The following RAD54B variants were observed in gnomAD, a reference collection of about 807,000 sequenced individuals.
The protein encoded by RAD54B is DNA repair and recombination protein RAD54B.
Under a neutral mutation model 95.8 loss-of-function variants are expected in RAD54B, and 78 were observed. The ratio of observed to expected loss-of-function variants is 0.81; its 90% confidence interval spans 0.68 to 0.98. RAD54B has a LOEUF of 0.98. Among genes scored for constraint, RAD54B ranks in the 50% least tolerant of loss-of-function variants. The pLI is 0.00. For missense variants in RAD54B, 957 were observed against 1,056.6 expected (o/e 0.91, Z 1.31); for synonymous variants, 328 against 354.9 (o/e 0.92, Z 0.85).
chr8:94,422,609 AAAAAAAAAATATATATATATATATATAT>A (rs1811838318), intron 3 of RAD54B, among the ~76,000 whole-genome samples: 1 of 95,976 alleles, frequency 1.0e-5, no homozygotes, highest in African/African-American at 5.9e-5. Flanking sequence ...AAAAAAAAAA[AAAAAAAAAATATATATATATATATATAT>A]ATATATATAT....
At position 94,407,561 on chromosome 8, in the gene RAD54B, G is replaced by A. The variant is rs747364535; in HGVS notation, c.659C>T (p.Ser220Phe). 1 of 1,613,994 alleles carries A rather than the reference G, an allele frequency of 6.2e-7. No individual in the cohort carries two copies. The highest frequency in any genetic ancestry group is 8.5e-7 in the Non-Finnish European group (1 of 1,179,938). Reference sequence around the variant, plus strand: ...GAAACATTTCCTGGCAACCTGAGAAGAATGCGAGATAGCAGTACTTCCTCC... The same window carrying A: ...GAAACATTTCCTGGCAACCTGAGAAAAATGCGAGATAGCAGTACTTCCTCC... Reference protein sequence around the residue: ...LGGGSTAISHSSQVARKCFSN... With the variant: ...LGGGSTAISHFSQVARKCFSN... The change falls in exon 5 of 15, where the codon TCT (serine) becomes TTT (phenylalanine). Residue 220 changes from serine to phenylalanine, a missense_variant. Ser to Phe is a radical substitution (Grantham distance 155). Coordinates refer to ENST00000336148, the MANE Select transcript of RAD54B (RefSeq NM_012415.3).
intron 2 of RAD54B, among the ~76,000 whole-genome samples, chr8:94,463,392 C>G (rs1258986637): frequency 6.6e-6 from 1 of 151,822 alleles, no homozygotes; most frequent in African/African-American, 2.4e-5. Context: ...TACTACTTTA[C>G]CCACTAGTAT....
intron 7 of RAD54B, 103 bp downstream of exon 7, chr8:94,400,135 T>C (rs548828982): frequency 2.0e-6 from 2 of 1,000,178 alleles, no homozygotes; most frequent in Middle Eastern, 2.5e-4. Flanking sequence ...AAACTCCATT[T>C]TTGTGCAAAA....
Position 94,380,360 on chromosome 8 carries a change from CT to C in RAD54B, c.2031del (p.Glu678LysfsTer41), listed in dbSNP as rs1563634761. 5.6e-6 allele frequency: 9 copies of C among 1,613,742 alleles called. No individual in the cohort carries two copies. Among genetic ancestry groups the C allele is most frequent in the Non-Finnish European group, 7.6e-6 (9 of 1,179,774 alleles). On this transcript the variant is annotated frameshift_variant, in exon 12 of 15. Coordinates refer to ENST00000336148, the MANE Select transcript of RAD54B (RefSeq NM_012415.3). LOFTEE classifies it high-confidence loss of function. ...GCATATCCATGACGCTTACATACTTCTTGTAAAATGTTCAAGGTTTGTGTAT... is the reference window on the plus strand; with the variant it reads ...GCATATCCATGACGCTTACATACTTCTGTAAAATGTTCAAGGTTTGTGTAT... ...SNYTQTLNIL[Q>X]EVCKRHGYAY...
intron 10 of RAD54B, among the ~76,000 whole-genome samples, chr8:94,390,519 CAAAT>C (rs1810992039): frequency 6.7e-6 from 1 of 148,566 alleles, no homozygotes; most frequent in African/African-American, 2.4e-5. Context: ...AATAAATAAA[CAAAT>C]AAATAAACAG....
chr8:94,397,452 A>G (rs544150247), intron 8 of RAD54B, among the ~76,000 whole-genome samples: 4 of 152,246 alleles, frequency 2.6e-5, no homozygotes, highest in African/African-American at 9.6e-5. Flanking sequence ...GAAACAAGCT[A>G]AGATTGACAA....
chr8:94,460,150 T>A (rs1480588255), intron 2 of RAD54B, among the ~76,000 whole-genome samples: 5 of 114,552 alleles, frequency 4.4e-5, no homozygotes, highest in African/African-American at 2.0e-4. Context: ...AGAGCGAGAC[T>A]CCGTCTCAAA....
chr8:94,373,670 T>C (rs1375071096), intron 14 of RAD54B, among the ~76,000 whole-genome samples: 3 of 152,214 alleles, frequency 2.0e-5, no homozygotes, highest in African/African-American at 2.4e-5. Flanking sequence ...TGTTAGACCA[T>C]TGTGCTTTTT....
intron 3 of RAD54B, chr8:94,432,518 T>C (rs956293361): frequency 1.3e-6 from 2 of 1,550,578 alleles, no homozygotes; most frequent in African/African-American, 1.4e-5. Context: ...TATCACTCTG[T>C]TGAGAATTTA....
At position 94,400,327 on chromosome 8, in the gene RAD54B, CA is replaced by C. The variant is rs1345371103; in HGVS notation, c.1080del (p.Ile360MetfsTer8). On this transcript the variant is annotated frameshift_variant, in exon 7 of 15. Coordinates refer to ENST00000336148, the MANE Select transcript of RAD54B (RefSeq NM_012415.3). LOFTEE classifies it high-confidence loss of function. Reference protein sequence around the residue: ...GGKPVIKKTLIVTPGSLVNNW... With the variant: ...GGKPVIKKTLXVTPGSLVNNW... Reference sequence around the variant, plus strand: ...TTATTCACCAAGCTTCCAGGTGTGACAATTAGTGTCTTCTTTATTACTGGCT... The same window carrying C: ...TTATTCACCAAGCTTCCAGGTGTGACATTAGTGTCTTCTTTATTACTGGCT... The C allele has an allele frequency of 6.2e-7, 1 of 1,613,782 alleles. No individual in the cohort carries two copies. The highest frequency in any genetic ancestry group is 1.7e-5 in the Admixed American group (1 of 59,944).
chr8:94,400,598 C>T (rs2130009317), intron 6 of RAD54B, 135 bp from the exon 7 acceptor site: 1 of 634,474 alleles, frequency 1.6e-6, no homozygotes, highest in East Asian at 2.8e-5. Flanking sequence ...ATTTACAACA[C>T]ATCTTTTGCA....
rs1161274088 is a variant in RAD54B at position 94,409,117 on chromosome 8, C to T, written c.500-1397G>A. ...AGTTTTCTTAGCACCTCTATCTTTACATTAACAAATTTACATATTGTATAT... is the reference window on the plus strand; with the variant it reads ...AGTTTTCTTAGCACCTCTATCTTTATATTAACAAATTTACATATTGTATAT... On this transcript the variant is annotated intron_variant, in intron 4 of 14. Coordinates refer to ENST00000336148, the MANE Select transcript of RAD54B (RefSeq NM_012415.3). 2.6e-5 allele frequency among the ~76,000 whole-genome samples: 4 copies of T among 151,948 alleles called. No individual in the cohort carries two copies. In the East Asian group the frequency reaches 5.8e-4, roughly 22 times the overall value.
chr8:94,432,345 AAT>A, intron 3 of RAD54B: 1 of 1,550,364 alleles, frequency 6.5e-7, no homozygotes, highest in African/African-American at 1.4e-5. Flanking sequence ...ATCATACCCT[AAT>A]AGTGACCTAA....
intron 1 of RAD54B, among the ~76,000 whole-genome samples, chr8:94,473,627 A>G (rs115517009): frequency 0.014 from 2,161 of 152,284 alleles, 46 homozygotes; most frequent in African/African-American, 0.048. Flanking sequence ...GGAGATAGAG[A>G]AGGGGTAGTT....
chr8:94,451,723 A>G (rs1812658686), intron 3 of RAD54B, among the ~76,000 whole-genome samples: 1 of 152,186 alleles, frequency 6.6e-6, no homozygotes, highest in Non-Finnish European at 1.5e-5. Context: ...ACCCAAACTG[A>G]TAAGCATTCA....
chr8:94,467,666 G>T, intron 1 of RAD54B, 111 bp from the exon 2 acceptor site: 2 of 1,062,788 alleles, frequency 1.9e-6, no homozygotes, highest in Non-Finnish European at 2.6e-6. Context: ...CCTCTTATGG[G>T]CCTGCCTGGC....
chr8:94,460,288 T>C (rs559971392), intron 2 of RAD54B, among the ~76,000 whole-genome samples: 1 of 152,112 alleles, frequency 6.6e-6, no homozygotes, highest in African/African-American at 2.4e-5. Flanking sequence ...CTGGGCAACA[T>C]AGTGAAACTC....
chr8:94,423,922 C>T (rs1171869055), intron 3 of RAD54B, among the ~76,000 whole-genome samples: 1 of 152,116 alleles, frequency 6.6e-6, no homozygotes, highest in African/African-American at 2.4e-5. Context: ...AAGAGAAAAA[C>T]ATACTTCCCC....
chr8:94,459,523 CAAAATAAGAAGG>C (rs1812853225), intron 2 of RAD54B, among the ~76,000 whole-genome samples: 1 of 151,918 alleles, frequency 6.6e-6, no homozygotes, highest in African/African-American at 2.4e-5. Flanking sequence ...GAATTTGCAT[CAAAATAAGAAGG>C]GAGGGACTTG....
Sources: allele counts gnomAD v4.1 joint callset (sites outside exome capture counted in the v4.1 genomes callset), GRCh38; gene constraint gnomAD v4.1.1; transcripts MANE v1.5; gene names NCBI Gene and HGNC (gene_info 2026-07-23, HGNC 2026-07-21).